The following ITGBL1 variants were observed in gnomAD, a reference collection of about 807,000 sequenced individuals.
The protein encoded by ITGBL1 is integrin subunit beta like 1.
ITGBL1 carries 51 observed loss-of-function variants against 68.5 expected under a neutral mutation model. That is an observed-to-expected ratio of 0.74 (90% confidence interval 0.59 to 0.94). ITGBL1 has a LOEUF of 0.94. Ranked by LOEUF, ITGBL1 falls within the 40% of genes least tolerant of loss-of-function variation. The pLI is 0.00. For missense variants in ITGBL1, 649 were observed against 647.4 expected (o/e 1.00, Z -0.03); for synonymous variants, 209 against 227.3 (o/e 0.92, Z 0.72).
intron 2 of ITGBL1, among the ~76,000 whole-genome samples, chr13:101,457,335 G>T (rs915560259): frequency 1.3e-5 from 2 of 152,164 alleles, no homozygotes; most frequent in African/African-American, 2.4e-5. Context: ...GGCCCAAAAA[G>T]TCAAGTAGGG....
At chr13:101,503,642 C>G (rs374817537) in intron 2 of ITGBL1, among the ~76,000 whole-genome samples, 1 of 152,062 alleles carries the variant, frequency 6.6e-6, no homozygotes, top group East Asian at 1.9e-4. Flanking sequence ...CTGAGTTTCC[C>G]GAAAAATGAG....
downstream of ITGBL1, chr13:101,716,721 G>A (rs1408230422): frequency 1.3e-5 from 2 of 149,850 alleles, no homozygotes; most frequent in Admixed American, 1.3e-4. Flanking sequence ...GAAACCTGGG[G>A]TCATGCAAAG....
intron 2 of ITGBL1, among the ~76,000 whole-genome samples, chr13:101,476,485 T>A (rs1594832947): frequency 6.6e-6 from 1 of 152,096 alleles, no homozygotes; most frequent in African/African-American, 2.4e-5. Flanking sequence ...AGTCTTTACT[T>A]ATTAATAATA....
chr13:101,598,138 A>G lies in ITGBL1; in HGVS notation c.869-15A>G. 1 of 1,574,508 alleles carries G rather than the reference A, an allele frequency of 6.4e-7. No individual in the cohort carries two copies. The highest frequency in any genetic ancestry group is 8.6e-7 in the Non-Finnish European group (1 of 1,165,130). ...TTTATGTACATTTTTATTTTTTGCC[A>G]CTCTCACTGTGAAGGTCATGGACAG... is the stretch of plus-strand genomic sequence containing the variant. On this transcript the variant is annotated splice_polypyrimidine_tract_variant and intron_variant, in intron 6 of 10. Transcript: ENST00000376180.
chr13:101,577,628 C>A (rs1334768263), intron 4 of ITGBL1, among the ~76,000 whole-genome samples: 1 of 152,026 alleles, frequency 6.6e-6, no homozygotes, highest in Non-Finnish European at 1.5e-5. Context: ...TTATGTTGCA[C>A]CTTCTGTATA....
Position 101,539,375 on chromosome 13 carries a change from C to A in ITGBL1, c.317-28324C>A, listed in dbSNP as rs183465795. The stretch of plus-strand genomic sequence containing the variant: ...GCTTCATCCATGTCCCTACAAAGGA[C>A]ATGAACTCATCATTTTTATGGCTGC... On this transcript the variant is annotated intron_variant, in intron 2 of 10. Transcript: ENST00000376180. Among the ~76,000 whole-genome samples the A allele has an allele frequency of 1.5e-3, 221 of 152,126 alleles. 1 individual carries two copies. Among genetic ancestry groups the A allele is most frequent in the African/African-American group, 5.1e-3 (213 of 41,498 alleles).
intron 2 of ITGBL1, among the ~76,000 whole-genome samples, chr13:101,481,525 C>G (rs2048624529): frequency 1.3e-5 from 2 of 151,880 alleles, no homozygotes; most frequent in Admixed American, 1.3e-4. Flanking sequence ...GGACTTCTGG[C>G]TCTCAAATAT....
Position 101,454,411 on chromosome 13 carries a change from C to G in ITGBL1, c.316+311C>G, listed in dbSNP as rs963293523. ...TTGCCCTGGCTGGTCCCCCCCCCCC[C>G]CCCCAACTCCTGGAATCAAGCTATC... is the stretch of plus-strand genomic sequence containing the variant. On this transcript the variant is annotated intron_variant, in intron 2 of 10. Transcript: ENST00000376180. Among the ~76,000 whole-genome samples the G allele has an allele frequency of 5.8e-4, 73 of 124,888 alleles. 2 individuals carry two copies. The highest frequency in any genetic ancestry group is 9.3e-4 in the Non-Finnish European group (54 of 58,058). The allele number at this position is 124,888 out of a possible 152,430, so 81.9% of individuals were successfully genotyped here. A position where few individuals can be genotyped will look rare whatever the true frequency, so the allele number is the denominator to read the frequency against.
At chr13:101,624,875 A>AT (rs1248194709) in intron 7 of ITGBL1, among the ~76,000 whole-genome samples, 1 of 152,162 alleles carries the variant, frequency 6.6e-6, no homozygotes, top group African/African-American at 2.4e-5. Flanking sequence ...GGAGAAAGGT[A>AT]TTTTTTTATA....
intron 7 of ITGBL1, among the ~76,000 whole-genome samples, chr13:101,601,164 A>C (rs1427547014): frequency 6.6e-6 from 1 of 152,086 alleles, no homozygotes; most frequent in East Asian, 1.9e-4. Flanking sequence ...TAGTCTTGGG[A>C]GAGTGTATGT....
intron 7 of ITGBL1, among the ~76,000 whole-genome samples, chr13:101,663,186 T>C (rs554608691): frequency 1.3e-5 from 2 of 152,310 alleles, no homozygotes; most frequent in Non-Finnish European, 2.9e-5. Context: ...ATAGTAATAA[T>C]AGTAAATGTC....
intron 7 of ITGBL1, among the ~76,000 whole-genome samples, chr13:101,614,528 A>G (rs946627583): frequency 2.6e-5 from 4 of 152,132 alleles, no homozygotes; most frequent in Admixed American, 2.6e-4. Flanking sequence ...ATTTTCCATT[A>G]TTAAATCAAA....
At chr13:101,646,501 G>A (rs1402745403) in intron 7 of ITGBL1, among the ~76,000 whole-genome samples, 1 of 152,090 alleles carries the variant, frequency 6.6e-6, no homozygotes, top group East Asian at 1.9e-4. Flanking sequence ...TAAATTGGAA[G>A]GATGTTTTTA....
intron 2 of ITGBL1, among the ~76,000 whole-genome samples, chr13:101,548,739 A>G (rs1171415855): frequency 6.6e-6 from 1 of 151,784 alleles, no homozygotes; most frequent in African/African-American, 2.4e-5. Flanking sequence ...TATCTGAAAC[A>G]AAAGGATTAT....
chr13:101,672,723 T>C (rs1395360757), intron 7 of ITGBL1, among the ~76,000 whole-genome samples: 1 of 152,220 alleles, frequency 6.6e-6, no homozygotes, highest in East Asian at 1.9e-4. Flanking sequence ...TACCTCTCTC[T>C]GGCAAGAGAC....
At chr13:101,481,829 C>T (rs1434769179) in intron 2 of ITGBL1, among the ~76,000 whole-genome samples, 2 of 151,980 alleles carry the variant, frequency 1.3e-5, no homozygotes, top group Admixed American at 6.6e-5. Context: ...CACATATTCA[C>T]GGTAGGCAAA....
chr13:101,493,295 A>G (rs1646977537), intron 2 of ITGBL1, among the ~76,000 whole-genome samples: 1 of 152,130 alleles, frequency 6.6e-6, no homozygotes, highest in South Asian at 2.1e-4. Context: ...AGGATGATGA[A>G]CTGAATGAAG....
chr13:101,565,836 A>G (rs1020040422), intron 2 of ITGBL1, among the ~76,000 whole-genome samples: 93 of 152,070 alleles, frequency 6.1e-4, no homozygotes, highest in Non-Finnish European at 1.1e-3. Flanking sequence ...GGGGATAAGC[A>G]ACTTAGAATA....
At chr13:101,671,240 C>T (rs2033350731) in intron 7 of ITGBL1, among the ~76,000 whole-genome samples, 1 of 151,948 alleles carries the variant, frequency 6.6e-6, no homozygotes, top group Admixed American at 6.6e-5. Flanking sequence ...CATGAAACTG[C>T]TAACAAAAAT....
Sources: allele counts gnomAD v4.1 joint callset (sites outside exome capture counted in the v4.1 genomes callset), GRCh38; gene constraint gnomAD v4.1.1; transcripts MANE v1.5; gene names NCBI Gene and HGNC (gene_info 2026-07-23, HGNC 2026-07-21).